The following EBI3 variants were observed in gnomAD, a reference collection of about 807,000 sequenced individuals.
EBI3 encodes the protein interleukin-27 subunit beta.
Under a neutral mutation model 21.3 loss-of-function variants are expected in EBI3, and 19 were observed. The observed-to-expected ratio is 0.89, with a 90% CI of 0.62 to 1.31. The LOEUF (loss-of-function observed/expected upper bound fraction) is 1.31, where lower values mean the gene tolerates loss of function less well. EBI3 is among the 50% of genes most tolerant of loss of function. The probability of loss-of-function intolerance (pLI) is 0.00; values close to 1 mark genes in which losing one functional copy is unlikely to be tolerated. For synonymous variants in EBI3, 154 were observed against 131.2 expected (o/e 1.17, Z -1.19); for missense variants, 331 against 314.0 (o/e 1.05, Z -0.41).
Position 4,229,581 on chromosome 19 carries a change from C to T in EBI3, c.31C>T (p.Leu11Phe). ...CCCGCAGCTTCTCCTGGCCCTTGTCCTCTGGGCCAGCTGCCCGCCCTGCAG... is the reference window on the plus strand; with the variant it reads ...CCCGCAGCTTCTCCTGGCCCTTGTCTTCTGGGCCAGCTGCCCGCCCTGCAG... Reference protein sequence around the residue: MTPQLLLALVLWASCPPCSGR... With the variant: MTPQLLLALVFWASCPPCSGR... Residue 11 changes from leucine (L) to phenylalanine (F), a missense_variant, in exon 1 of 5, where the codon CTC (leucine) becomes TTC (phenylalanine). Coordinates refer to ENST00000221847, the MANE Select transcript of EBI3 (RefSeq NM_005755.3). 6.2e-7 allele frequency: 1 copy of T among 1,611,250 alleles called. No homozygotes were observed. Among genetic ancestry groups the T allele is most frequent in the Non-Finnish European group, 8.5e-7 (1 of 1,179,026 alleles).
intron 4 of EBI3, among the ~76,000 whole-genome samples, chr19:4,236,521 A>AAAAAAAAAAAAAAAG (rs1970839308): frequency 7.1e-6 from 1 of 140,022 alleles, no homozygotes. Flanking sequence ...ACTGTCTCAA[A>AAAAAAAAAAAAAAAG]AAAAAAAAAA....
chr19:4,231,054 T>C (rs1970776988), intron 1 of EBI3, 137 bp from the exon 2 acceptor site: 5 of 1,177,642 alleles, frequency 4.2e-6, no homozygotes, highest in Non-Finnish European at 5.7e-6. Flanking sequence ...TCCATGTACC[T>C]ATTTATTCCG....
At chr19:4,236,384 T>TC (rs1970836900) in intron 4 of EBI3, among the ~76,000 whole-genome samples, 1 of 150,720 alleles carries the variant, frequency 6.6e-6, no homozygotes, top group Admixed American at 6.6e-5. Context: ...TAGCCAGGCA[T>TC]GGTGGCGGGC....
intron 2 of EBI3, 94 bp from the exon 3 acceptor site, chr19:4,233,035 G>C: frequency 2.2e-6 from 3 of 1,363,812 alleles, no homozygotes; most frequent in Non-Finnish European, 1.9e-6. Context: ...TCCTGTTCCT[G>C]CCTCTCCTTG....
At chr19:4,232,817 G>GATGA (rs200001671) in intron 2 of EBI3, among the ~76,000 whole-genome samples, 51 of 126,984 alleles carry the variant, frequency 4.0e-4, no homozygotes, top group Middle Eastern at 5.3e-3. Flanking sequence ...TGAATGAACG[G>GATGA]ATGAATGAAT....
intron 2 of EBI3, among the ~76,000 whole-genome samples, chr19:4,231,585 C>T (rs555985119): frequency 1.3e-5 from 2 of 148,976 alleles, no homozygotes; most frequent in South Asian, 2.1e-4. Flanking sequence ...GCTTGGGCAA[C>T]GTAGTGAGAC....
At chr19:4,233,549 G>A (rs897146098) in intron 3 of EBI3, among the ~76,000 whole-genome samples, 8 of 151,938 alleles carry the variant, frequency 5.3e-5, no homozygotes, top group Non-Finnish European at 8.8e-5. Context: ...ACCAGAGGGC[G>A]CCTGAGAGCA....
chr19:4,232,565 A>G (rs1408113098), intron 2 of EBI3, among the ~76,000 whole-genome samples: 2 of 150,850 alleles, frequency 1.3e-5, no homozygotes, highest in Non-Finnish European at 3.0e-5. Context: ...TGTAGAAAAA[A>G]AATTTAAAAT....
Position 4,229,633 on chromosome 19 carries a change from G to C in EBI3, c.67+16G>C, listed in dbSNP as rs546420086. On this transcript the variant is annotated intron_variant, in intron 1 of 4. Transcript: ENST00000221847. ...GGAAGGAAAGGTATGTGGGGCCCCT[G>C]GGGGACTGGGGGGCCCAGGCAGACG... 1.3e-6 allele frequency: 2 copies of C among 1,595,988 alleles called. No individual in the cohort carries two copies. Among genetic ancestry groups the C allele is most frequent in the Admixed American group, 3.5e-5 (2 of 56,860 alleles).
intron 4 of EBI3, among the ~76,000 whole-genome samples, chr19:4,236,543 A>AAAAAAAAAAAAAT (rs869283945): frequency 6.7e-6 from 1 of 149,776 alleles, no homozygotes; most frequent in African/African-American, 2.4e-5. Context: ...AAAAAAAAAA[A>AAAAAAAAAAAAAT]GCATGGTTAA....
chr19:4,235,961 G>C (rs192704893), intron 4 of EBI3, among the ~76,000 whole-genome samples: 4 of 152,104 alleles, frequency 2.6e-5, no homozygotes, highest in Non-Finnish European at 5.9e-5. Context: ...TAAAAAGCAC[G>C]GTTAGGCTAG....
chr19:4,236,518 CAA>C (rs4009634), intron 4 of EBI3, among the ~76,000 whole-genome samples: 17 of 30,496 alleles, frequency 5.6e-4, no homozygotes, highest in African/African-American at 1.5e-3. Flanking sequence ...AAGACTGTCT[CAA>C]AAAAAAAAAA....
intron 3 of EBI3, among the ~76,000 whole-genome samples, chr19:4,234,207 AAAAAC>A (rs1172943826): frequency 3.9e-5 from 6 of 152,150 alleles, no homozygotes; most frequent in Non-Finnish European, 7.3e-5. Context: ...CTCTATCTCA[AAAAAC>A]AAAACAAAAC....
At position 4,237,121 on chromosome 19, in the gene EBI3, G is replaced by C. The variant is rs775807704; in HGVS notation, c.*33G>C. The C allele has an allele frequency of 4.1e-6, 6 of 1,446,930 alleles. No individual in the cohort carries two copies. In the Admixed American group the frequency reaches 1.4e-4, roughly 33 times the overall value. The allele number at this position is 1,446,930 out of a possible 1,614,324, so 89.6% of individuals were successfully genotyped here. ...TTCCCGCTGCCTCCAGACAGCACCTGGGTCCTCGCCACCCTAAGCCCCGGG... is the reference window on the plus strand; with the variant it reads ...TTCCCGCTGCCTCCAGACAGCACCTCGGTCCTCGCCACCCTAAGCCCCGGG... On this transcript the variant is annotated 3_prime_UTR_variant, in exon 5 of 5. Coordinates refer to ENST00000221847, the MANE Select transcript of EBI3 (RefSeq NM_005755.3).
chr19:4,233,552 T>G (rs1286911340), intron 3 of EBI3, among the ~76,000 whole-genome samples: 1 of 152,010 alleles, frequency 6.6e-6, no homozygotes, highest in Non-Finnish European at 1.5e-5. Flanking sequence ...AGAGGGCGCC[T>G]GAGAGCACCT....
intron 4 of EBI3, 70 bp downstream of exon 4, chr19:4,234,894 C>T (rs1352570108): frequency 8.8e-6 from 14 of 1,583,118 alleles, no homozygotes; most frequent in African/African-American, 4.0e-5. Flanking sequence ...CCAAGACTAG[C>T]AGGTGTGCTG....
intron 2 of EBI3, 79 bp downstream of exon 2, chr19:4,231,402 G>A (rs762684143): frequency 4.1e-6 from 6 of 1,461,518 alleles, no homozygotes; most frequent in Non-Finnish European, 1.8e-6. Flanking sequence ...GAGCCCTGGG[G>A]TCAGGAAAAC....
intron 2 of EBI3, among the ~76,000 whole-genome samples, chr19:4,232,108 C>G (rs966522357): frequency 2.0e-5 from 3 of 151,056 alleles, no homozygotes; most frequent in Non-Finnish European, 4.4e-5. Flanking sequence ...GCCTGTAGTC[C>G]CAGCTACTCG....
chr19:4,233,757 G>A (rs2144676793), intron 3 of EBI3, among the ~76,000 whole-genome samples: 1 of 152,318 alleles, frequency 6.6e-6, no homozygotes, highest in African/African-American at 2.4e-5. Context: ...CAACATGCCA[G>A]GAATAGTTCT....
Sources: allele counts gnomAD v4.1 joint callset (sites outside exome capture counted in the v4.1 genomes callset), GRCh38; gene constraint gnomAD v4.1.1; transcripts MANE v1.5; gene names NCBI Gene and HGNC (gene_info 2026-07-23, HGNC 2026-07-21).